Variants in COBL observed in about 807,000 individuals in gnomAD.
COBL encodes the protein protein cordon-bleu.
Under a neutral mutation model 98.8 loss-of-function variants are expected in COBL, and 51 were observed. The observed-to-expected ratio is 0.52, with a 90% CI of 0.41 to 0.65. The LOEUF (loss-of-function observed/expected upper bound fraction) is 0.65. Among genes scored for constraint, COBL ranks in the 30% least tolerant of loss-of-function variants. The pLI is 0.00. For synonymous variants in COBL, 634 were observed against 651.7 expected (o/e 0.97, Z 0.41); for missense variants, 1,617 against 1,617.5 (o/e 1.00, Z 0.01).
chr7:51,241,116 G>A (rs1795747391), intron 1 of COBL, among the ~76,000 whole-genome samples: 1 of 152,162 alleles, frequency 6.6e-6, no homozygotes, highest in Admixed American at 6.5e-5. Context: ...AAACAAACAC[G>A]AGTGGGCACA....
At chr7:51,064,513 T>C (rs1791702905) in intron 7 of COBL, 9 of 152,238 alleles carry the variant, frequency 5.9e-5, no homozygotes, top group Admixed American at 5.9e-4. Flanking sequence ...TGAAAGATAT[T>C]TAGCTTTAAA....
At chr7:51,237,828 G>A (rs1795413065) in intron 1 of COBL, among the ~76,000 whole-genome samples, 1 of 152,210 alleles carries the variant, frequency 6.6e-6, no homozygotes, top group East Asian at 1.9e-4. Flanking sequence ...ACAGTGACCA[G>A]GTCCCCAAAA....
intron 5 of COBL, among the ~76,000 whole-genome samples, chr7:51,161,992 A>C (rs1403716652): frequency 6.6e-6 from 1 of 152,226 alleles, no homozygotes; most frequent in African/African-American, 2.4e-5. Context: ...AAATTAACTC[A>C]GGTACCTTGT....
chr7:51,106,483 G>T (rs1237753974), intron 6 of COBL, among the ~76,000 whole-genome samples: 1 of 152,144 alleles, frequency 6.6e-6, no homozygotes, highest in Non-Finnish European at 1.5e-5. Flanking sequence ...TCCCAAATCC[G>T]AAACAAGAAA....
chr7:51,043,637 C>G lies in COBL; in HGVS notation c.1152G>C (p.Val384=). The change falls in exon 8 of 13, where the codon GTG becomes GTC. Residue 384 remains valine, a synonymous_variant. Transcript: ENST00000265136. The part of the protein sequence containing the change: ...SHCSPDGAPQ[V]LSEAEETVSV... ...ACACGGTCTCCTCCGCCTCTGACAG[C>G]ACCTGCGGGGCTCCATCCGGGCTGC... 6.2e-7 allele frequency: 1 copy of G among 1,614,220 alleles called. No homozygotes were observed. Among genetic ancestry groups the G allele is most frequent in the East Asian group, 2.2e-5 (1 of 44,888 alleles).
intron 7 of COBL, chr7:51,073,223 G>T (rs1038532372): frequency 1.9e-5 from 9 of 465,208 alleles, no homozygotes; most frequent in Admixed American, 7.4e-5. Context: ...CCCAAAGGAA[G>T]TAAATTCTGG....
At chr7:51,201,373 G>A (rs1791111280) in intron 2 of COBL, among the ~76,000 whole-genome samples, 1 of 152,000 alleles carries the variant, frequency 6.6e-6, no homozygotes, top group Non-Finnish European at 1.5e-5. Context: ...AATGATATAA[G>A]GGACAATTCA....
In COBL at chr7:51,043,657, G is replaced by T. The variant is rs1189405844; in HGVS notation, c.1132C>A (p.Pro378Thr). Reference protein sequence around the residue: ...LPLGSGSHCSPDGAPQVLSEA... With the variant: ...LPLGSGSHCSTDGAPQVLSEA... ...GACAGCACCTGCGGGGCTCCATCCG[G>T]GCTGCAGTGGCTGCCAGACCCCAGG... The change falls in exon 8 of 13, where the codon CCG becomes ACG. Residue 378 changes from proline (P) to threonine (T), a missense_variant. Transcript: ENST00000265136. The T allele has an allele frequency of 1.2e-6, 2 of 1,613,930 alleles. No homozygotes were observed. The highest frequency in any genetic ancestry group is 1.7e-6 in the Non-Finnish European group (2 of 1,180,030).
chr7:51,065,235 C>T, intron 7 of COBL: 1 of 702,302 alleles, frequency 1.4e-6, no homozygotes, highest in East Asian at 2.7e-5. Flanking sequence ...TAAGTGTGCA[C>T]ATGCATTCAC....
rs572138958 is a variant in COBL at position 51,042,693 on chromosome 7, C to T, written c.1406+690G>A. ...GGCATGTTTTTTAAAAGAGCAAAGG[C>T]TATGAAACGGCAATTAATCCAATAT... On this transcript the variant is annotated intron_variant, in intron 8 of 12. Coordinates refer to ENST00000265136, the MANE Select transcript of COBL (RefSeq NM_015198.5). Among the ~76,000 whole-genome samples, 11 of 152,256 alleles carry T rather than the reference C, an allele frequency of 7.2e-5. No individual in the cohort carries two copies. In the East Asian group the frequency reaches 2.1e-3, roughly 29 times the overall value.
intron 5 of COBL, among the ~76,000 whole-genome samples, chr7:51,169,874 T>G (rs1401022530): frequency 6.6e-6 from 1 of 152,196 alleles, no homozygotes; most frequent in African/African-American, 2.4e-5. Flanking sequence ...TATAAATGCT[T>G]GAGGGGATGG....
chr7:51,133,223 T>C (rs914712393), intron 6 of COBL, among the ~76,000 whole-genome samples: 4 of 152,224 alleles, frequency 2.6e-5, no homozygotes, highest in South Asian at 4.2e-4. Context: ...TCCTCCCAGA[T>C]GAGGGTTCCC....
intron 7 of COBL, among the ~76,000 whole-genome samples, chr7:51,081,934 T>C (rs141208740): frequency 2.6e-5 from 4 of 152,026 alleles, no homozygotes; most frequent in African/African-American, 4.8e-5. Context: ...CCCTTCCTTT[T>C]TGAATGCCCT....
chr7:51,156,136 G>T (rs1276365260), intron 5 of COBL: 8 of 977,616 alleles, frequency 8.2e-6, no homozygotes, highest in Non-Finnish European at 9.7e-6. Context: ...ATCAAAGACA[G>T]TCCACTTAGG....
intron 7 of COBL, among the ~76,000 whole-genome samples, chr7:51,060,314 TC>T (rs1423716357): frequency 1.3e-5 from 2 of 152,234 alleles, no homozygotes; most frequent in African/African-American, 4.8e-5. Flanking sequence ...AAAACTACTA[TC>T]AGTAGCTTGA....
chr7:51,183,215 C>G (rs953539733), intron 5 of COBL, among the ~76,000 whole-genome samples: 1 of 152,222 alleles, frequency 6.6e-6, no homozygotes, highest in Admixed American at 6.5e-5. Context: ...TGCACACAAA[C>G]TTGAGTCCCC....
intron 7 of COBL, among the ~76,000 whole-genome samples, chr7:51,046,843 T>C (rs757005696): frequency 1.3e-5 from 2 of 152,142 alleles, no homozygotes; most frequent in Non-Finnish European, 2.9e-5. Flanking sequence ...GAGGGCTGAA[T>C]TGAAAGCCCA....
intron 5 of COBL, among the ~76,000 whole-genome samples, chr7:51,177,286 A>G (rs1788465399): frequency 6.6e-6 from 1 of 152,186 alleles, no homozygotes; most frequent in African/African-American, 2.4e-5. Context: ...CATTGCTTTC[A>G]TAACTCTGTC....
At chr7:51,167,814 C>T (rs1787475300) in intron 5 of COBL, among the ~76,000 whole-genome samples, 1 of 152,176 alleles carries the variant, frequency 6.6e-6, no homozygotes, top group African/African-American at 2.4e-5. Flanking sequence ...CAAGAACATA[C>T]ACTGGGGATA....
Sources: allele counts gnomAD v4.1 joint callset (sites outside exome capture counted in the v4.1 genomes callset), GRCh38; gene constraint gnomAD v4.1.1; transcripts MANE v1.5; gene names NCBI Gene and HGNC (gene_info 2026-07-23, HGNC 2026-07-21).